The following BMPR2 variants were observed in gnomAD, a reference collection of about 807,000 sequenced individuals.
The protein encoded by BMPR2 is bone morphogenetic protein receptor type-2.
A neutral mutation model predicts 100.8 loss-of-function variants in BMPR2; 29 were observed. That is an observed-to-expected ratio of 0.29 (90% confidence interval 0.21 to 0.39). BMPR2 has a LOEUF of 0.39. Ranked by LOEUF, BMPR2 falls within the 10% of genes least tolerant of loss-of-function variation. The probability of loss-of-function intolerance (pLI) is 1.00; values close to 1 mark genes in which losing one functional copy is unlikely to be tolerated. For missense variants in BMPR2, 1,011 were observed against 1,274.5 expected (o/e 0.79, Z 3.15); for synonymous variants, 382 against 442.3 (o/e 0.86, Z 1.71).
chr2:202,410,507 G>A (rs1209235704), intron 1 of BMPR2, among the ~76,000 whole-genome samples: 1 of 152,258 alleles, frequency 6.6e-6, no homozygotes, highest in Non-Finnish European at 1.5e-5. Flanking sequence ...TATTGGATTC[G>A]AATCCATAGA....
intron 1 of BMPR2, among the ~76,000 whole-genome samples, chr2:202,411,677 T>A (rs902207575): frequency 1.1e-4 from 16 of 152,134 alleles, no homozygotes; most frequent in Non-Finnish European, 1.6e-4. Flanking sequence ...TACGTTTATT[T>A]AACACGTCAG....
chr2:202,448,473 A>AAT (rs1160389371), intron 1 of BMPR2, among the ~76,000 whole-genome samples: 1 of 150,258 alleles, frequency 6.7e-6, no homozygotes. Context: ...TAAAAAATAA[A>AAT]AAAAAAAAAG....
intron 3 of BMPR2, among the ~76,000 whole-genome samples, chr2:202,470,664 T>C (rs1692418144): frequency 6.7e-6 from 1 of 149,060 alleles, no homozygotes; most frequent in Non-Finnish European, 1.5e-5. Context: ...CTCGGGAGGC[T>C]GAGGCAGGAG....
intron 3 of BMPR2, among the ~76,000 whole-genome samples, chr2:202,476,005 C>T (rs936773566): frequency 5.7e-5 from 8 of 141,024 alleles, no homozygotes; most frequent in Admixed American, 7.7e-5. Flanking sequence ...ACCTGGGAGG[C>T]GGAGGTTGCA....
chr2:202,380,628 CTTT>C (rs34657186), intron 1 of BMPR2, among the ~76,000 whole-genome samples: 10 of 135,998 alleles, frequency 7.4e-5, no homozygotes, highest in Admixed American at 1.5e-4. Flanking sequence ...GGATTTCTTT[CTTT>C]TTTTTTTTTT....
At chr2:202,412,578 G>C (rs557030022) in intron 1 of BMPR2, among the ~76,000 whole-genome samples, 30 of 152,160 alleles carry the variant, frequency 2.0e-4, no homozygotes, top group African/African-American at 7.0e-4. Context: ...CTCGGCCTCC[G>C]AAAGTGCTGG....
rs1691756930 is a variant in BMPR2 at position 202,441,976 on chromosome 2, T to G, written c.77-22833T>G. On this transcript the variant is annotated intron_variant, in intron 1 of 12. Coordinates refer to ENST00000374580, the MANE Select transcript of BMPR2 (RefSeq NM_001204.7). The stretch of plus-strand genomic sequence containing the variant: ...TGAACCCAGGAGGCGGAGGTTGCAG[T>G]GAGCCGAGATCACGCCATTGCACTC... 1.3e-5 allele frequency among the ~76,000 whole-genome samples: 2 copies of G among 149,058 alleles called. 1 individual carries two copies. Among genetic ancestry groups the G allele is most frequent in the African/African-American group, 5.1e-5 (2 of 38,916 alleles).
intron 1 of BMPR2, among the ~76,000 whole-genome samples, chr2:202,460,303 T>C (rs939865922): frequency 5.3e-5 from 8 of 152,152 alleles, no homozygotes; most frequent in African/African-American, 1.9e-4. Context: ...ATATACACCA[T>C]GGAATACTAT....
intron 1 of BMPR2, among the ~76,000 whole-genome samples, chr2:202,381,416 C>G (rs1213545009): frequency 6.6e-6 from 1 of 152,166 alleles, no homozygotes; most frequent in African/African-American, 2.4e-5. Flanking sequence ...GAAGTAACAT[C>G]TATCTGGGGG....
At chr2:202,545,439 T>G (rs963948018) in intron 10 of BMPR2, among the ~76,000 whole-genome samples, 23 of 152,190 alleles carry the variant, frequency 1.5e-4, no homozygotes, top group African/African-American at 5.5e-4. Context: ...TCTGAAGGTG[T>G]TGTTTTTATG....
chr2:202,498,582 CA>C (rs1245857840), intron 3 of BMPR2, among the ~76,000 whole-genome samples: 4 of 152,090 alleles, frequency 2.6e-5, no homozygotes, highest in East Asian at 1.9e-4. Flanking sequence ...AGTTCTTGGG[CA>C]GGGGGAGAAA....
At position 202,503,901 on chromosome 2, in the gene BMPR2, T is replaced by G. The variant is rs1016425133; in HGVS notation, c.419-9818T>G. Among the ~76,000 whole-genome samples the G allele has an allele frequency of 9.9e-5, 15 of 152,046 alleles. No individual in the cohort carries two copies. Among genetic ancestry groups the G allele is most frequent in the African/African-American group, 3.4e-4 (14 of 41,392 alleles). ...GGATTGTAAATACACCAATAGGCAC[T>G]CTGTATCTAGCTCAAGGTTTGTAAA... On this transcript the variant is annotated intron_variant, in intron 3 of 12. Transcript: ENST00000374580. The surrounding 1 kb of genome is among the most constrained non-coding windows in gnomAD (Gnocchi z 4.0).
rs2105718145 is a variant in BMPR2, at chr2:202,562,174, T to C, written c.*2228T>C. The C allele has an allele frequency of 6.6e-6, 1 of 152,498 alleles. No homozygotes were observed. Among genetic ancestry groups the C allele is most frequent in the East Asian group, 1.9e-4 (1 of 5,192 alleles). The allele number at this position is 152,498 out of a possible 1,614,324, so 9.4% of individuals were successfully genotyped here. A position where few individuals can be genotyped will look rare whatever the true frequency, so the allele number is the denominator to read the frequency against. On this transcript the variant is annotated 3_prime_UTR_variant, in exon 13 of 13. Transcript: ENST00000374580. Reference sequence around the variant, plus strand: ...TCCAATTTGAAGCATTGAGGATAAATGACCATTTGAGGTCTAACTGATCTT... The same window carrying C: ...TCCAATTTGAAGCATTGAGGATAAACGACCATTTGAGGTCTAACTGATCTT...
intron 3 of BMPR2, among the ~76,000 whole-genome samples, chr2:202,510,658 GTTT>G (rs548308738): frequency 6.6e-6 from 1 of 151,488 alleles, no homozygotes; most frequent in African/African-American, 2.4e-5. Flanking sequence ...CTAAAATGAG[GTTT>G]TTTTTGTTTT....
chr2:202,416,254 G>C (rs1297105799), intron 1 of BMPR2, among the ~76,000 whole-genome samples: 1 of 151,956 alleles, frequency 6.6e-6, no homozygotes, highest in Non-Finnish European at 1.5e-5. Flanking sequence ...AATTTGAATG[G>C]AGGAAGAGTT....
intron 7 of BMPR2, among the ~76,000 whole-genome samples, chr2:202,522,115 C>T (rs1687827645): frequency 6.6e-6 from 1 of 152,028 alleles, no homozygotes; most frequent in Admixed American, 6.6e-5. Flanking sequence ...GCTGTGTTCA[C>T]CCCACTGCAC....
At chr2:202,444,343 G>GT (rs1367293460) in intron 1 of BMPR2, among the ~76,000 whole-genome samples, 6 of 150,140 alleles carry the variant, frequency 4.0e-5, no homozygotes, top group East Asian at 3.9e-4. Context: ...CATTTTATTT[G>GT]TTTTTTTATA....
At chr2:202,515,507 G>C (rs1431307596) in intron 5 of BMPR2, among the ~76,000 whole-genome samples, 2 of 151,370 alleles carry the variant, frequency 1.3e-5, no homozygotes, top group Non-Finnish European at 2.9e-5. Flanking sequence ...GGAGGCAGAG[G>C]TTGCGGTGAG....
chr2:202,507,615 C>T (rs1235046335), intron 3 of BMPR2, among the ~76,000 whole-genome samples: 9 of 152,118 alleles, frequency 5.9e-5, no homozygotes, highest in Non-Finnish European at 1.3e-4. Flanking sequence ...TCTCAAGCTC[C>T]TGGCCTAAAG....
Sources: allele counts gnomAD v4.1 joint callset (sites outside exome capture counted in the v4.1 genomes callset), GRCh38; gene constraint gnomAD v4.1.1; non-coding constraint Gnocchi (gnomAD v3.1); transcripts MANE v1.5; gene names NCBI Gene and HGNC (gene_info 2026-07-23, HGNC 2026-07-21).